GSDME: variants seen among roughly 807,000 people sequenced by gnomAD.
GSDME encodes the protein gasdermin-E.
A neutral mutation model predicts 47.5 loss-of-function variants in GSDME; 44 were observed. That is an observed-to-expected ratio of 0.93 (90% confidence interval 0.73 to 1.19). The LOEUF is 1.19. Among genes scored for constraint, GSDME ranks in the 50% most tolerant of loss-of-function variants. The probability of loss-of-function intolerance (pLI) is 0.00; values close to 1 mark genes in which losing one functional copy is unlikely to be tolerated. For missense variants in GSDME, 663 were observed against 604.2 expected (o/e 1.10, Z -1.02); for synonymous variants, 258 against 252.8 (o/e 1.02, Z -0.20).
At chr7:24,795,115 G>C in the GSDME span, among the ~76,000 whole-genome samples, 1 of 152,180 alleles carries the variant, frequency 6.6e-6, no homozygotes, top group Non-Finnish European at 1.5e-5. Flanking sequence ...TGGACTCCAA[G>C]CGCCGATTCC....
At chr7:24,743,544 G>T (rs528378758) in intron 3 of GSDME, among the ~76,000 whole-genome samples, 2 of 152,222 alleles carry the variant, frequency 1.3e-5, no homozygotes, top group East Asian at 1.9e-4. Flanking sequence ...ATCAGATTAC[G>T]CCCCTTCCCT....
chr7:24,715,107 C>T (rs145894458), intron 5 of GSDME, among the ~76,000 whole-genome samples: 1 of 152,244 alleles, frequency 6.6e-6, no homozygotes, highest in African/African-American at 2.4e-5. Flanking sequence ...ATGACCCAGG[C>T]ACAAAAAGAT....
chr7:24,748,827 A>G (rs1790763662), intron 2 of GSDME, among the ~76,000 whole-genome samples: 1 of 152,126 alleles, frequency 6.6e-6, no homozygotes, highest in Non-Finnish European at 1.5e-5. Flanking sequence ...AGCTGAGCCC[A>G]TCTCCTTATC....
chr7:24,703,232 C>T (rs1352132813), intron 8 of GSDME: 5 of 336,860 alleles, frequency 1.5e-5, no homozygotes, highest in Non-Finnish European at 2.9e-5. Flanking sequence ...GCCTCAGTTT[C>T]CTCATTTACC....
At chr7:24,708,305 G>A (rs758524994) in intron 6 of GSDME, 51 bp from the exon 7 acceptor site, 107 of 1,609,882 alleles carry the variant, frequency 6.6e-5, no homozygotes, top group Non-Finnish European at 7.0e-5. Context: ...CACATCTCAC[G>A]ACGTCGGACA....
At chr7:24,776,200 A>G in the GSDME span, among the ~76,000 whole-genome samples, 1 of 151,384 alleles carries the variant, frequency 6.6e-6, no homozygotes, top group Non-Finnish European at 1.5e-5. Context: ...AAAAAAAAAA[A>G]AGAATCACTG....
intron 4 of GSDME, among the ~76,000 whole-genome samples, chr7:24,718,826 T>C (rs1789666210): frequency 6.9e-6 from 1 of 145,830 alleles, no homozygotes; most frequent in African/African-American, 2.6e-5. Flanking sequence ...TCCCTATATA[T>C]CCTCAAGGCC....
chr7:24,795,338 G>C, the GSDME span, among the ~76,000 whole-genome samples: 1 of 152,162 alleles, frequency 6.6e-6, no homozygotes, highest in East Asian at 1.9e-4. Context: ...TTCCAGGTCA[G>C]GGAACCAAGA....
Position 24,744,419 on chromosome 7 carries a change from A to G in GSDME, c.404+143T>C. The G allele has an allele frequency of 3.2e-6, 3 of 943,524 alleles. No homozygotes were observed. Among genetic ancestry groups the G allele is most frequent in the Non-Finnish European group, 1.7e-6 (1 of 593,564 alleles). 58.4% of individuals were successfully genotyped at this position (943,524 alleles called of 1,614,324 possible). ...TTCCAGACTAAAGAATGTGCTCCTC[A>G]TGAAATTTCAACACAAGCGCATTCA... On this transcript the variant is annotated intron_variant, in intron 3 of 9. Coordinates refer to ENST00000645220, the MANE Select transcript of GSDME (RefSeq NM_001127453.2). The surrounding 1 kb of genome is among the most constrained non-coding windows in gnomAD (Gnocchi z 4.5).
the GSDME span, among the ~76,000 whole-genome samples, chr7:24,772,362 A>G: frequency 6.6e-6 from 1 of 152,176 alleles, no homozygotes; most frequent in Non-Finnish European, 1.5e-5. This position sits in a 1 kb window ranked among gnomAD's most constrained non-coding sequence, Gnocchi z 4.5. Flanking sequence ...TTATTCTCAT[A>G]GCTTTCCTCA....
chr7:24,757,901 C>T (rs542558348), upstream of GSDME: 1 of 152,560 alleles, frequency 6.6e-6, no homozygotes, highest in South Asian at 2.1e-4. This position sits in a 1 kb window ranked among gnomAD's most constrained non-coding sequence, Gnocchi z 5.9. Context: ...CCTGTCCAGC[C>T]TGTGGGAGCC....
At chr7:24,788,567 A>C in the GSDME span, among the ~76,000 whole-genome samples, 2 of 152,332 alleles carry the variant, frequency 1.3e-5, no homozygotes, top group African/African-American at 4.8e-5. This position sits in a 1 kb window ranked among gnomAD's most constrained non-coding sequence, Gnocchi z 4.6. Flanking sequence ...GCCCATAAAA[A>C]GAAATCCTTT....
the GSDME span, among the ~76,000 whole-genome samples, chr7:24,764,117 G>C: frequency 6.6e-6 from 1 of 152,178 alleles, no homozygotes; most frequent in Non-Finnish European, 1.5e-5. This position sits in a 1 kb window ranked among gnomAD's most constrained non-coding sequence, Gnocchi z 4.4. Flanking sequence ...ATTGGAAGGG[G>C]AGTATGAGAA....
At chr7:24,707,699 C>CA in intron 7 of GSDME, 1 of 340,286 alleles carries the variant, frequency 2.9e-6, no homozygotes, top group Non-Finnish European at 5.3e-6. Context: ...CACACACACA[C>CA]AGAGGGGAAG....
chr7:24,775,805 G>A, the GSDME span, among the ~76,000 whole-genome samples: 21 of 146,692 alleles, frequency 1.4e-4, no homozygotes, highest in East Asian at 6.3e-4. Context: ...AACCCAGGAG[G>A]TGGAAGTTGC....
At chr7:24,723,612 T>TA (rs939033542) in intron 3 of GSDME, among the ~76,000 whole-genome samples, 12 of 151,142 alleles carry the variant, frequency 7.9e-5, no homozygotes, top group South Asian at 2.1e-4. Flanking sequence ...CAGAAGAGTT[T>TA]AAAAAAAAAG....
chr7:24,777,321 A>G, the GSDME span, among the ~76,000 whole-genome samples: 1 of 152,206 alleles, frequency 6.6e-6, no homozygotes, highest in East Asian at 1.9e-4. Context: ...TATCCGAACC[A>G]GAGACCACAC....
the GSDME span, among the ~76,000 whole-genome samples, chr7:24,782,647 C>G: frequency 4.6e-5 from 7 of 152,234 alleles, no homozygotes; most frequent in Admixed American, 4.6e-4. Context: ...ACCACACTGT[C>G]TTCCACAATG....
upstream of GSDME, among the ~76,000 whole-genome samples, chr7:24,762,826 G>A (rs912006571): frequency 3.8e-5 from 5 of 131,630 alleles, no homozygotes; most frequent in African/African-American, 5.6e-5. Flanking sequence ...GTCTGACTAA[G>A]GTACTTCTAG....
Sources: allele counts gnomAD v4.1 joint callset (sites outside exome capture counted in the v4.1 genomes callset), GRCh38; gene constraint gnomAD v4.1.1; non-coding constraint Gnocchi (gnomAD v3.1); transcripts MANE v1.5; gene names NCBI Gene and HGNC (gene_info 2026-07-23, HGNC 2026-07-21).